Variants in NPSR1 observed in about 807,000 individuals in gnomAD.
NPSR1 encodes neuropeptide S receptor 1, also known as neuropeptide S receptor.
A neutral mutation model predicts 46.9 loss-of-function variants in NPSR1; 48 were observed. The observed-to-expected ratio is 1.02, with a 90% CI of 0.81 to 1.30. NPSR1 has a LOEUF of 1.30. Ranked by LOEUF, NPSR1 falls within the 50% of genes most tolerant of loss-of-function variation. NPSR1 has a pLI of 0.00. For synonymous variants in NPSR1, 176 were observed against 168.1 expected (o/e 1.05, Z -0.36); for missense variants, 450 against 449.5 (o/e 1.00, Z -0.01).
chr7:34,703,606 C>CA (rs1248521941), intron 2 of NPSR1, among the ~76,000 whole-genome samples: 4 of 150,562 alleles, frequency 2.7e-5, no homozygotes, highest in South Asian at 2.1e-4. Context: ...TTGATCCCTT[C>CA]AAAAAAAAAT....
At chr7:34,843,250 G>A (rs1790633406) in intron 6 of NPSR1, among the ~76,000 whole-genome samples, 1 of 152,220 alleles carries the variant, frequency 6.6e-6, no homozygotes, top group Non-Finnish European at 1.5e-5. Flanking sequence ...TATGGTTCTA[G>A]AGGCTGGGAA....
At chr7:34,703,717 AT>A (rs1490256555) in intron 2 of NPSR1, 1 of 152,630 alleles carries the variant, frequency 6.6e-6, no homozygotes, top group Admixed American at 6.5e-5. Flanking sequence ...ATTTTGGCAC[AT>A]TCTGTAATTC....
chr7:34,863,832 C>A (rs576318739), intron 8 of NPSR1, among the ~76,000 whole-genome samples: 14 of 151,786 alleles, frequency 9.2e-5, no homozygotes, highest in Middle Eastern at 3.4e-3. Flanking sequence ...CCTCAAGGAT[C>A]TAGAACCGGT....
chr7:34,751,998 A>T, intron 2 of NPSR1: 2 of 835,868 alleles, frequency 2.4e-6, no homozygotes, highest in Non-Finnish European at 4.1e-6. Context: ...GATGTTGGCG[A>T]TGGCATGGCA....
At chr7:34,788,051 A>T (rs886095511) in intron 3 of NPSR1, among the ~76,000 whole-genome samples, 6 of 152,120 alleles carry the variant, frequency 3.9e-5, no homozygotes, top group Non-Finnish European at 7.4e-5. Context: ...CAATAAAGTA[A>T]ATCATGACAA....
chr7:34,839,651 C>T (rs1790498110), intron 6 of NPSR1, among the ~76,000 whole-genome samples: 1 of 152,148 alleles, frequency 6.6e-6, no homozygotes, highest in Non-Finnish European at 1.5e-5. Context: ...AAGTTTATGT[C>T]TTAATTAAAA....
intron 3 of NPSR1, among the ~76,000 whole-genome samples, chr7:34,782,376 G>T (rs189348247): frequency 5.3e-5 from 8 of 152,114 alleles, no homozygotes; most frequent in Admixed American, 1.3e-4. Flanking sequence ...CTTCCCTGGT[G>T]GGGGGAAAGA....
intron 4 of NPSR1, among the ~76,000 whole-genome samples, chr7:34,825,038 T>C (rs1045715712): frequency 3.3e-5 from 5 of 152,192 alleles, no homozygotes; most frequent in African/African-American, 1.2e-4. Context: ...TCCCTCCACC[T>C]CCTGCCTCCT....
chr7:34,703,409 ATT>A (rs11476210), intron 2 of NPSR1, among the ~76,000 whole-genome samples: 33 of 149,628 alleles, frequency 2.2e-4, no homozygotes, highest in African/African-American at 7.4e-4. Context: ...TAAATAAAGC[ATT>A]TTTTTTTTCA....
chr7:34,726,825 A>G (rs1784180138), intron 2 of NPSR1, among the ~76,000 whole-genome samples: 1 of 152,134 alleles, frequency 6.6e-6, no homozygotes, highest in South Asian at 2.1e-4. Context: ...ACAGTAAAAA[A>G]AAAAAAAAAA....
In NPSR1 at chr7:34,872,574, T is replaced by C. The variant is rs538031478; in HGVS notation, c.1026-5502T>C. Among the ~76,000 whole-genome samples the C allele has an allele frequency of 4.3e-4, 65 of 151,934 alleles. 2 individuals are homozygous for C. The highest frequency in any genetic ancestry group is 1.5e-3 in the African/African-American group (63 of 41,216). On this transcript the variant is annotated intron_variant, in intron 8 of 8. Transcript: ENST00000359791. ...TGATAGAGACATACCCAAGACTGGG[T>C]GATCTATTCAGGAAAAAGGGTTTAA... is the stretch of plus-strand genomic sequence containing the variant.
intron 8 of NPSR1, chr7:34,871,601 G>A (rs117928654): frequency 6.6e-6 from 1 of 151,814 alleles, no homozygotes; most frequent in African/African-American, 2.4e-5. Context: ...TCAAAGACAA[G>A]TTATTTGCTT....
chr7:34,693,721 C>T (rs1793377343), intron 2 of NPSR1, among the ~76,000 whole-genome samples: 1 of 152,062 alleles, frequency 6.6e-6, no homozygotes, highest in Admixed American at 6.6e-5. Flanking sequence ...GGCCAATAAC[C>T]CTGATGGACA....
At chr7:34,700,601 C>G (rs10081183) in intron 2 of NPSR1, among the ~76,000 whole-genome samples, 1 of 151,952 alleles carries the variant, frequency 6.6e-6, no homozygotes, top group African/African-American at 2.4e-5. Flanking sequence ...TGGCTATTCC[C>G]CTATAAAATA....
intron 2 of NPSR1, among the ~76,000 whole-genome samples, chr7:34,739,464 T>A (rs1452123288): frequency 6.6e-6 from 1 of 152,280 alleles, no homozygotes; most frequent in Non-Finnish European, 1.5e-5. Context: ...TCTGTGGTTT[T>A]GGTTTGCATT....
At chr7:34,794,979 C>G (rs1325888838) in intron 3 of NPSR1, among the ~76,000 whole-genome samples, 1 of 152,004 alleles carries the variant, frequency 6.6e-6, no homozygotes, top group Non-Finnish European at 1.5e-5. Context: ...TTAGAGGCTA[C>G]AGTGAGCTAT....
chr7:34,790,754 TTATATGTTATATATAA>T (rs1480819238), intron 3 of NPSR1, among the ~76,000 whole-genome samples: 3 of 128,798 alleles, frequency 2.3e-5, no homozygotes, highest in Non-Finnish European at 5.1e-5. Context: ...ATAATATATG[TTATATGTTATATATAA>T]TATATGTTAT....
chr7:34,694,511 T>C (rs1185212583), intron 2 of NPSR1, among the ~76,000 whole-genome samples: 1 of 151,974 alleles, frequency 6.6e-6, no homozygotes, highest in Non-Finnish European at 1.5e-5. Context: ...ATGAAAGAAA[T>C]TGTAGATAAC....
chr7:34,804,976 A>G (rs1413694396), intron 3 of NPSR1, among the ~76,000 whole-genome samples: 2 of 152,022 alleles, frequency 1.3e-5, no homozygotes, highest in African/African-American at 4.8e-5. Flanking sequence ...GTGTAAATCT[A>G]ACAAAATATA....
Sources: allele counts gnomAD v4.1 joint callset (sites outside exome capture counted in the v4.1 genomes callset), GRCh38; gene constraint gnomAD v4.1.1; transcripts MANE v1.5; gene names NCBI Gene and HGNC (gene_info 2026-07-23, HGNC 2026-07-21).